FOXN3: variants seen among roughly 807,000 people sequenced by gnomAD.
The protein encoded by FOXN3 is forkhead box N3.
A neutral mutation model predicts 38.4 loss-of-function variants in FOXN3; 7 were observed. The ratio of observed to expected loss-of-function variants is 0.18; its 90% CI spans 0.10 to 0.34. The LOEUF is 0.34. FOXN3 is among the 10% of genes least tolerant of loss of function. The pLI, the probability that FOXN3 is intolerant of heterozygous loss-of-function variation, is 1.00. For synonymous variants in FOXN3, 230 were observed against 242.2 expected, an observed-to-expected ratio of 0.95 and a Z score of 0.47; for missense variants, 456 against 613.4, an observed-to-expected ratio of 0.74 and a Z score of 2.71.
At chr14:89,168,963 C>G (rs1887316072) in intron 5 of FOXN3, among the ~76,000 whole-genome samples, 1 of 152,176 alleles carries the variant, frequency 6.6e-6, no homozygotes. Flanking sequence ...AACTGTCGAT[C>G]TAGAATTTTA....
chr14:89,487,560 A>G (rs1190920757), intron 1 of FOXN3, among the ~76,000 whole-genome samples: 1 of 152,224 alleles, frequency 6.6e-6, no homozygotes, highest in East Asian at 1.9e-4. Context: ...ACCTTAGATC[A>G]TTAATTTATC....
intron 2 of FOXN3, among the ~76,000 whole-genome samples, chr14:89,353,143 T>C (rs1185197584): frequency 6.6e-6 from 1 of 152,206 alleles, no homozygotes; most frequent in Non-Finnish European, 1.5e-5. Flanking sequence ...AGACGTTTCC[T>C]GAGTGGCCCT....
chr14:89,419,213 C>T, upstream of FOXN3: 1 of 456,064 alleles, frequency 2.2e-6, no homozygotes, highest in South Asian at 1.5e-5. Flanking sequence ...GGTGGACCAG[C>T]CCTGCCTGAT....
At chr14:89,205,383 T>C (rs1466724587) in intron 4 of FOXN3, among the ~76,000 whole-genome samples, 1 of 152,182 alleles carries the variant, frequency 6.6e-6, no homozygotes, top group East Asian at 1.9e-4. Flanking sequence ...GCTCCACCCT[T>C]GGGCCTGTGC....
chr14:89,557,652 G>C (rs1895154937), intron 1 of FOXN3, among the ~76,000 whole-genome samples: 1 of 152,196 alleles, frequency 6.6e-6, no homozygotes, highest in African/African-American at 2.4e-5. Flanking sequence ...TCTGTTGCAA[G>C]CATCGGAAGG....
intron 1 of FOXN3, among the ~76,000 whole-genome samples, chr14:89,542,797 T>G (rs1894817451): frequency 6.6e-6 from 1 of 152,246 alleles, no homozygotes; most frequent in African/African-American, 2.4e-5. Flanking sequence ...GATCTTCTTT[T>G]GTTTTACAAA....
chr14:89,300,880 T>A (rs533531461), intron 3 of FOXN3, among the ~76,000 whole-genome samples: 80 of 152,298 alleles, frequency 5.3e-4, no homozygotes, highest in South Asian at 1.2e-3. Flanking sequence ...CACTGCAACC[T>A]CCGCCTCCAA....
chr14:89,568,817 G>A (rs763001746), intron 1 of FOXN3, among the ~76,000 whole-genome samples: 1 of 152,210 alleles, frequency 6.6e-6, no homozygotes, highest in Non-Finnish European at 1.5e-5. Flanking sequence ...TATGTGACAG[G>A]AGGAAGCTCC....
chr14:89,460,756 C>T (rs949686041), intron 1 of FOXN3, among the ~76,000 whole-genome samples: 5 of 152,130 alleles, frequency 3.3e-5, no homozygotes, highest in African/African-American at 1.2e-4. Flanking sequence ...AAATGCCGGG[C>T]GCGGTGACTC....
chr14:89,230,754 T>C (rs1884782079), intron 4 of FOXN3: 1 of 392,354 alleles, frequency 2.5e-6, no homozygotes, highest in Non-Finnish European at 5.2e-6. Flanking sequence ...CTTTATTAAA[T>C]AAATAGATAA....
intron 1 of FOXN3, among the ~76,000 whole-genome samples, chr14:89,595,605 A>G (rs986134706): frequency 7.9e-5 from 12 of 152,154 alleles, no homozygotes; most frequent in African/African-American, 2.7e-4. Context: ...TTTATTTTGA[A>G]TTTTCTTTAT....
chr14:89,505,505 A>G (rs1326587302), intron 1 of FOXN3, among the ~76,000 whole-genome samples: 1 of 152,104 alleles, frequency 6.6e-6, no homozygotes, highest in Non-Finnish European at 1.5e-5. Context: ...TCCAGCTCCT[A>G]ACCGCGAGTG....
intron 1 of FOXN3, among the ~76,000 whole-genome samples, chr14:89,559,791 G>C (rs1158271214): frequency 6.6e-6 from 1 of 152,198 alleles, no homozygotes; most frequent in Non-Finnish European, 1.5e-5. Flanking sequence ...CAGGGAGTGA[G>C]TGAAGTTATT....
chr14:89,575,491 T>C (rs1297194588), intron 1 of FOXN3, among the ~76,000 whole-genome samples: 1 of 152,098 alleles, frequency 6.6e-6, no homozygotes, highest in Non-Finnish European at 1.5e-5. Context: ...GCAGGTCCTC[T>C]CCAATGCTGG....
At chr14:89,235,995 T>G (rs548083440) in intron 4 of FOXN3, among the ~76,000 whole-genome samples, 15 of 152,318 alleles carry the variant, frequency 9.8e-5, no homozygotes, top group Admixed American at 4.6e-4. Flanking sequence ...TAAGGAGTGT[T>G]TGGCCTGAGG....
chr14:89,444,978 CT>C (rs1892463757), intron 1 of FOXN3, among the ~76,000 whole-genome samples: 1 of 151,918 alleles, frequency 6.6e-6, no homozygotes, highest in African/African-American at 2.4e-5. Context: ...CAAAAATTAG[CT>C]GGACATGGTA....
chr14:89,588,569 A>C (rs1895893623), intron 1 of FOXN3, among the ~76,000 whole-genome samples: 1 of 152,176 alleles, frequency 6.6e-6, no homozygotes, highest in South Asian at 2.1e-4. Context: ...ACTAATGGCC[A>C]GGTTAAATTC....
chr14:89,547,227 A>G (rs1335254322), intron 1 of FOXN3, among the ~76,000 whole-genome samples: 2 of 1,442 alleles, frequency 1.4e-3, no homozygotes, highest in African/African-American at 2.7e-3. Context: ...ACACTAGGTT[A>G]TTTATTTATT....
chr14:89,260,603 T>C (rs1224448358), intron 4 of FOXN3, among the ~76,000 whole-genome samples: 6 of 152,252 alleles, frequency 3.9e-5, no homozygotes. Context: ...TTAGTTGTTA[T>C]TTCTTTCACG....
Sources: allele counts gnomAD v4.1 joint callset (sites outside exome capture counted in the v4.1 genomes callset), GRCh38; gene constraint gnomAD v4.1.1; transcripts MANE v1.5; gene names NCBI Gene and HGNC (gene_info 2026-07-23, HGNC 2026-07-21).